DSCAML1: variants seen among roughly 807,000 people sequenced by gnomAD.
The protein encoded by DSCAML1 is cell adhesion molecule DSCAML1.
Under a neutral mutation model 200.5 loss-of-function variants are expected in DSCAML1, and 38 were observed. That is an observed-to-expected ratio of 0.19 (90% confidence interval 0.15 to 0.25). The LOEUF (loss-of-function observed/expected upper bound fraction) is 0.25, where lower values mean the gene tolerates loss of function less well. Ranked by LOEUF, DSCAML1 falls within the 10% of genes least tolerant of loss-of-function variation. The pLI, the probability that DSCAML1 is intolerant of heterozygous loss-of-function variation, is 1.00. For missense variants in DSCAML1, 2,223 were observed against 2,858.8 expected (o/e 0.78, Z 5.07); for synonymous variants, 1,215 against 1,165.0 (o/e 1.04, Z -0.87).
intron 3 of DSCAML1, among the ~76,000 whole-genome samples, chr11:117,722,434 T>C (rs1404243607): frequency 6.6e-6 from 1 of 151,856 alleles, no homozygotes; most frequent in Non-Finnish European, 1.5e-5. Context: ...TACTGCTAGA[T>C]AGGAGGAAAG....
intron 3 of DSCAML1, among the ~76,000 whole-genome samples, chr11:117,595,789 AG>A (rs1393608031): frequency 1.3e-5 from 2 of 152,120 alleles, no homozygotes; most frequent in African/African-American, 4.8e-5. Flanking sequence ...AAAAAAAAAA[AG>A]TGACCTTTCA....
intron 1 of DSCAML1, among the ~76,000 whole-genome samples, chr11:117,785,444 T>C (rs1413130345): frequency 6.6e-6 from 1 of 151,930 alleles, no homozygotes; most frequent in Non-Finnish European, 1.5e-5. Context: ...GCATGCATGT[T>C]GGGGGATGCT....
chr11:117,804,622 G>C (rs1360835760), intron 1 of DSCAML1, among the ~76,000 whole-genome samples: 5 of 152,034 alleles, frequency 3.3e-5, no homozygotes. Flanking sequence ...TTCCCTCTTT[G>C]CTTATATTCA....
intron 5 of DSCAML1, among the ~76,000 whole-genome samples, chr11:117,522,406 C>T (rs991480946): frequency 5.9e-5 from 9 of 152,296 alleles, no homozygotes; most frequent in East Asian, 3.9e-4. Context: ...CTACCATGAC[C>T]GGAGTCATTA....
intron 4 of DSCAML1, among the ~76,000 whole-genome samples, chr11:117,530,348 G>A (rs77629024): frequency 0.014 from 2,120 of 152,222 alleles, 52 homozygotes; most frequent in African/African-American, 0.048. Flanking sequence ...CCTGCAGGAA[G>A]GGGATTTCTG....
intron 21 of DSCAML1, 22 bp downstream of exon 21, chr11:117,443,864 G>A: frequency 1.9e-6 from 3 of 1,569,876 alleles, no homozygotes; most frequent in Non-Finnish European, 2.6e-6. Flanking sequence ...TTGCCCCTCT[G>A]CCACAGCCTC....
At chr11:117,531,989 A>G (rs576665961) in intron 4 of DSCAML1, among the ~76,000 whole-genome samples, 3 of 151,928 alleles carry the variant, frequency 2.0e-5, no homozygotes, top group East Asian at 3.9e-4. Flanking sequence ...GAAAGAAAGG[A>G]AAAGAAAAGA....
intron 3 of DSCAML1, among the ~76,000 whole-genome samples, chr11:117,593,585 A>G (rs2051302850): frequency 6.6e-6 from 1 of 152,200 alleles, no homozygotes; most frequent in South Asian, 2.1e-4. Context: ...ATCAGGAAAG[A>G]CTGGGCTGGG....
At chr11:117,626,188 C>T (rs1263823948) in intron 3 of DSCAML1, among the ~76,000 whole-genome samples, 1 of 136,902 alleles carries the variant, frequency 7.3e-6, no homozygotes, top group East Asian at 2.2e-4. Flanking sequence ...GCACAGCCCA[C>T]TCTTGCTGAG....
intron 11 of DSCAML1, among the ~76,000 whole-genome samples, chr11:117,494,001 T>G (rs949359595): frequency 6.6e-6 from 1 of 152,240 alleles, no homozygotes; most frequent in Non-Finnish European, 1.5e-5. Flanking sequence ...GAAAGCTTAT[T>G]ATGTGCACGC....
intron 3 of DSCAML1, among the ~76,000 whole-genome samples, chr11:117,677,216 G>A (rs186101920): frequency 9.3e-4 from 141 of 152,276 alleles, no homozygotes; most frequent in African/African-American, 3.2e-3. Flanking sequence ...AATCATAGGC[G>A]ACAAGGACCT....
chr11:117,523,237 A>G (rs2049913537), intron 5 of DSCAML1, among the ~76,000 whole-genome samples: 1 of 152,158 alleles, frequency 6.6e-6, no homozygotes, highest in South Asian at 2.1e-4. Flanking sequence ...CTAATTTTCC[A>G]AGGATTTGAG....
chr11:117,446,673 A>C (rs57869753), intron 20 of DSCAML1, among the ~76,000 whole-genome samples: 12 of 152,348 alleles, frequency 7.9e-5, no homozygotes, highest in African/African-American at 2.9e-4. Context: ...AGAACAAATC[A>C]GAAAACAAAT....
intron 3 of DSCAML1, among the ~76,000 whole-genome samples, chr11:117,567,097 A>G (rs1353913918): frequency 1.3e-5 from 2 of 152,226 alleles, no homozygotes; most frequent in Non-Finnish European, 2.9e-5. Flanking sequence ...TATACCCAGT[A>G]ATGGGATGGC....
At position 117,473,185 on chromosome 11, in the gene DSCAML1, T is replaced by A. The variant is rs79715740; in HGVS notation, c.2786-1149A>T. Among the ~76,000 whole-genome samples the A allele has an allele frequency of 6.6e-3, 1,003 of 151,906 alleles. 46 individuals are homozygous for A. In the East Asian group the frequency reaches 0.12, roughly 18 times the overall value. On this transcript the variant is annotated intron_variant, in intron 14 of 32. Coordinates refer to ENST00000651296, the MANE Select transcript of DSCAML1 (RefSeq NM_020693.4). ...GCACATTCTAGAAAGACTAAAAAAA[T>A]TTTTTTTTGGTTAAAACTAATGCCT...
At chr11:117,663,867 T>G (rs1220002939) in intron 3 of DSCAML1, among the ~76,000 whole-genome samples, 1 of 152,126 alleles carries the variant, frequency 6.6e-6, no homozygotes, top group African/African-American at 2.4e-5. Flanking sequence ...CACAACATCT[T>G]TCCCCGCTAC....
intron 18 of DSCAML1, 117 bp downstream of exon 18, chr11:117,461,333 C>A: frequency 6.9e-7 from 1 of 1,442,432 alleles, no homozygotes; most frequent in Non-Finnish European, 9.5e-7. Context: ...GAAGAGGGGG[C>A]TGCACTTCCT....
intron 3 of DSCAML1, among the ~76,000 whole-genome samples, chr11:117,578,889 C>G (rs1367178736): frequency 6.6e-6 from 1 of 152,146 alleles, no homozygotes; most frequent in African/African-American, 2.4e-5. Context: ...ATGTTCAGCA[C>G]AGAAAACTTA....
chr11:117,656,300 C>T (rs536191625), intron 3 of DSCAML1, among the ~76,000 whole-genome samples: 1 of 152,326 alleles, frequency 6.6e-6, no homozygotes, highest in Admixed American at 6.5e-5. Flanking sequence ...AGCTCCAAAT[C>T]CTGGCTCCAC....
Sources: allele counts gnomAD v4.1 joint callset (sites outside exome capture counted in the v4.1 genomes callset), GRCh38; gene constraint gnomAD v4.1.1; transcripts MANE v1.5; gene names NCBI Gene and HGNC (gene_info 2026-07-23, HGNC 2026-07-21).